TMPRSS9: variants seen among roughly 807,000 people sequenced by gnomAD.
The protein encoded by TMPRSS9 is transmembrane serine protease 9, also known as transmembrane protease serine 9.
A neutral mutation model predicts 111.4 loss-of-function variants in TMPRSS9; 113 were observed. The ratio of observed to expected loss-of-function variants is 1.01; its 90% CI spans 0.87 to 1.19. The LOEUF is 1.19. Ranked by LOEUF, TMPRSS9 falls within the 50% of genes most tolerant of loss-of-function variation. TMPRSS9 has a pLI of 0.00. For synonymous variants in TMPRSS9, 805 were observed against 659.1 expected (o/e 1.22, Z -3.39); for missense variants, 1,803 against 1,513.1 (o/e 1.19, Z -3.18).
chr19:2,374,264 T>C (rs1285787378), intron 1 of TMPRSS9, among the ~76,000 whole-genome samples: 1 of 107,008 alleles, frequency 9.3e-6, no homozygotes, highest in African/African-American at 3.0e-5. Flanking sequence ...TTTTTTTTTT[T>C]TTTTTTTTTT....
intron 1 of TMPRSS9, among the ~76,000 whole-genome samples, chr19:2,379,618 T>TTTCC (rs1555676528): frequency 1.9e-5 from 2 of 105,002 alleles, no homozygotes; most frequent in African/African-American, 4.0e-5. Context: ...TTTCTTTCTC[T>TTTCC]TTCTTTCTTT....
intron 6 of TMPRSS9, among the ~76,000 whole-genome samples, chr19:2,403,903 G>GC (rs1014788853): frequency 2.7e-5 from 4 of 149,808 alleles, no homozygotes; most frequent in Non-Finnish European, 5.9e-5. Context: ...TGAGGCAGGA[G>GC]AATGGCGTGA....
chr19:2,399,963 C>T (rs1298148931), intron 4 of TMPRSS9, among the ~76,000 whole-genome samples: 3 of 152,192 alleles, frequency 2.0e-5, no homozygotes, highest in Non-Finnish European at 4.4e-5. Context: ...CTCCTGACCT[C>T]AGGTGATCCT....
chr19:2,419,635 G>A (rs1300991503), intron 13 of TMPRSS9, among the ~76,000 whole-genome samples: 1 of 151,916 alleles, frequency 6.6e-6, no homozygotes, highest in Admixed American at 6.6e-5. Context: ...TCCTGCCTCA[G>A]CCTCTGGAGT....
chr19:2,413,469 G>A (rs1389882256), intron 9 of TMPRSS9, among the ~76,000 whole-genome samples: 1 of 152,176 alleles, frequency 6.6e-6, no homozygotes, highest in African/African-American at 2.4e-5. Flanking sequence ...AGGTAGGACT[G>A]AAAGACATCT....
exon 15 of TMPRSS9, chr19:2,424,236 C>T (rs1971540756): frequency 1.4e-6 from 2 of 1,403,722 alleles, no homozygotes; most frequent in East Asian, 2.7e-5. Context: ...TGGCTGCTGT[C>T]GGCGGCGCAC....
At chr19:2,423,679 G>T (rs1408583598) in intron 14 of TMPRSS9, among the ~76,000 whole-genome samples, 1 of 152,116 alleles carries the variant, frequency 6.6e-6, no homozygotes, top group Non-Finnish European at 1.5e-5. Flanking sequence ...GCTTGGCACC[G>T]TCTGGGGAGG....
chr19:2,361,333 C>T (rs1348896947), intron 1 of TMPRSS9, among the ~76,000 whole-genome samples: 9 of 27,996 alleles, frequency 3.2e-4, no homozygotes, highest in East Asian at 1.4e-3. Context: ...GGGTGGGGTG[C>T]GGGGCTGGGA....
rs565324935 is a variant in TMPRSS9 at position 2,424,066 on chromosome 19, C to T, written c.2549-23C>T. On this transcript the variant is annotated intron_variant, in intron 14 of 17. Coordinates refer to ENST00000648592, the Ensembl canonical transcript of TMPRSS9. ...GAGGAGGTGCCCTGGGTCCGCCTGC[C>T]CACGCGCCTGGCTCCCCCGCAGACT... 10 of 1,260,310 alleles carry T rather than the reference C, an allele frequency of 7.9e-6. No individual in the cohort carries two copies. The African/African-American group carries it at 9.3e-5, about 12-fold the overall frequency. The allele number at this position is 1,260,310 out of a possible 1,614,324, so 78.1% of individuals were successfully genotyped here. A position where few individuals can be genotyped will look rare whatever the true frequency, so the allele number is the denominator to read the frequency against.
chr19:2,399,783 T>A (rs1047814520), intron 4 of TMPRSS9, among the ~76,000 whole-genome samples: 27 of 152,066 alleles, frequency 1.8e-4, no homozygotes, highest in African/African-American at 6.0e-4. Context: ...AATAATGAAG[T>A]CTTGGCTCAC....
chr19:2,364,671 A>C (rs1970234254), intron 1 of TMPRSS9, among the ~76,000 whole-genome samples: 1 of 151,996 alleles, frequency 6.6e-6, no homozygotes, highest in Non-Finnish European at 1.5e-5. Context: ...CCTTGCGTTG[A>C]CACCTTTGAC....
chr19:2,384,650 C>G (rs1422576243), intron 1 of TMPRSS9, among the ~76,000 whole-genome samples: 1 of 151,658 alleles, frequency 6.6e-6, no homozygotes, highest in Admixed American at 6.6e-5. Context: ...CCCGTCTCTA[C>G]TAAAAATACA....
chr19:2,384,473 C>T (rs1392943540), intron 1 of TMPRSS9, among the ~76,000 whole-genome samples: 4 of 151,328 alleles, frequency 2.6e-5, no homozygotes. Flanking sequence ...GTCAGGAATT[C>T]GAGACCAGCC....
chr19:2,423,222 C>T (rs1971505657), intron 14 of TMPRSS9, among the ~76,000 whole-genome samples: 1 of 151,836 alleles, frequency 6.6e-6, no homozygotes, highest in Admixed American at 6.6e-5. Flanking sequence ...TTGACTTTTT[C>T]AATAGCTATG....
At position 2,408,133 on chromosome 19, in the gene TMPRSS9, C is replaced by G. The variant is rs575383850; in HGVS notation, c.843-223C>G. On this transcript the variant is annotated intron_variant, in intron 7 of 17. Transcript: ENST00000648592. Reference sequence around the variant, plus strand: ...TGTGTTTCGCTATGTTGCCCAGGCTCGTCTTGAACTCCTGGGCTCAGGTGA... The same window carrying G: ...TGTGTTTCGCTATGTTGCCCAGGCTGGTCTTGAACTCCTGGGCTCAGGTGA... 5.3e-5 allele frequency among the ~76,000 whole-genome samples: 8 copies of G among 151,104 alleles called. No homozygotes were observed. The South Asian group carries it at 6.3e-4, about 12-fold the overall frequency.
At chr19:2,413,759 C>T in exon 10 of TMPRSS9, 2 of 1,613,872 alleles carry the variant, frequency 1.2e-6, no homozygotes, top group South Asian at 1.1e-5. Context: ...TTCTGGCTGG[C>T]ATCGTGAGCT....
intron 7 of TMPRSS9, among the ~76,000 whole-genome samples, chr19:2,405,918 A>C (rs1297587455): frequency 6.7e-6 from 1 of 149,064 alleles, no homozygotes; most frequent in African/African-American, 2.5e-5. Context: ...GGATGGTCTC[A>C]ATCTCCTGAC....
At chr19:2,393,335 C>T (rs1970638863) in intron 1 of TMPRSS9, among the ~76,000 whole-genome samples, 1 of 152,150 alleles carries the variant, frequency 6.6e-6, no homozygotes, top group Admixed American at 6.6e-5. Context: ...GAATGAACAA[C>T]TCCAGACACG....
rs8106360 is a variant in TMPRSS9 at position 2,366,757 on chromosome 19, G to A, written c.-26+6397G>A. 7.5e-3 allele frequency among the ~76,000 whole-genome samples: 1,133 copies of A among 150,498 alleles called. 14 individuals carry two copies. The highest frequency in any genetic ancestry group is 0.024 in the African/African-American group (970 of 40,914). ...CTGTAGTCCCAGCTACTCAGGAGGCGGAGGCAGGAGAATGGCGTGAACCCA... is the reference window on the plus strand; with the variant it reads ...CTGTAGTCCCAGCTACTCAGGAGGCAGAGGCAGGAGAATGGCGTGAACCCA... On this transcript the variant is annotated intron_variant, in intron 1 of 17. Coordinates refer to the TMPRSS9 transcript ENST00000649857.
Sources: gnomAD v4.1 joint callset for allele counts (sites outside exome capture counted in the v4.1 genomes callset) on GRCh38, gnomAD v4.1.1 for gene constraint, MANE v1.5 for transcripts, NCBI Gene and HGNC (gene_info 2026-07-23, HGNC 2026-07-21) for gene names.